BMAL1: variants seen among roughly 807,000 people sequenced by gnomAD.
The protein encoded by BMAL1 is basic helix-loop-helix ARNT like 1, also known as basic helix-loop-helix ARNT-like protein 1.
the BMAL1 span, chr11:13,378,240 G>T: frequency 7.0e-7 from 1 of 1,425,240 alleles, no homozygotes; most frequent in Non-Finnish European, 9.2e-7. Context: ...ATGTTGAACT[G>T]CAAATGGATC....
At chr11:13,325,696 G>GTGTGTGTGTGTGT in the BMAL1 span, among the ~76,000 whole-genome samples, 4 of 27,208 alleles carry the variant, frequency 1.5e-4, no homozygotes, top group African/African-American at 4.0e-4. Flanking sequence ...TGTGTGTGTG[G>GTGTGTGTGTGTGT]GCTTGAATGA....
At chr11:13,368,198 T>C in the BMAL1 span, among the ~76,000 whole-genome samples, 23 of 152,286 alleles carry the variant, frequency 1.5e-4, no homozygotes, top group African/African-American at 5.3e-4. Context: ...GACAGCACCC[T>C]GCATAGTAAT....
the BMAL1 span, among the ~76,000 whole-genome samples, chr11:13,284,189 TA>T: frequency 1.6e-5 from 1 of 62,870 alleles, no homozygotes; most frequent in Non-Finnish European, 2.6e-5. Context: ...TGTATATATA[TA>T]TATGTGTGTA....
the BMAL1 span, among the ~76,000 whole-genome samples, chr11:13,307,548 C>G: frequency 6.6e-6 from 1 of 152,228 alleles, no homozygotes; most frequent in Non-Finnish European, 1.5e-5. Flanking sequence ...GGATTCCCCA[C>G]TGCCACCAAG....
the BMAL1 span, chr11:13,356,148 C>T: frequency 2.5e-6 from 1 of 397,920 alleles, no homozygotes; most frequent in Middle Eastern, 3.9e-4. Context: ...CACTACGCCC[C>T]TCCATCCCAA....
At chr11:13,279,526 A>G in the BMAL1 span, among the ~76,000 whole-genome samples, 3 of 152,214 alleles carry the variant, frequency 2.0e-5, no homozygotes, top group Non-Finnish European at 2.9e-5. Context: ...TAAAATAATC[A>G]TTGCTGCTCC....
At chr11:13,342,393 G>A in the BMAL1 span, among the ~76,000 whole-genome samples, 3 of 152,144 alleles carry the variant, frequency 2.0e-5, no homozygotes, top group African/African-American at 7.2e-5. Context: ...GGGGAGGGGA[G>A]GGTCATACAG....
chr11:13,326,694 T>G, the BMAL1 span, among the ~76,000 whole-genome samples: 2 of 145,410 alleles, frequency 1.4e-5, no homozygotes, highest in African/African-American at 5.1e-5. Context: ...AGATAATATA[T>G]AGAGAGATAA....
At chr11:13,317,687 C>T in the BMAL1 span, among the ~76,000 whole-genome samples, 150,044 of 152,372 alleles carry the variant, frequency 0.98, 73,919 homozygotes, top group East Asian at 1. Context: ...GAATTTGATA[C>T]AAACAGCTAC....
At chr11:13,371,952 A>G in the BMAL1 span, among the ~76,000 whole-genome samples, 1 of 152,188 alleles carries the variant, frequency 6.6e-6, no homozygotes, top group Non-Finnish European at 1.5e-5. Flanking sequence ...TGTCCATGGT[A>G]TAACTGGCCC....
the BMAL1 span, among the ~76,000 whole-genome samples, chr11:13,292,327 G>A: frequency 1.1e-4 from 17 of 151,936 alleles, no homozygotes; most frequent in East Asian, 5.8e-4. Context: ...GGCAGATCAC[G>A]AGGTCAGGAG....
chr11:13,379,875 GT>G, the BMAL1 span: 1 of 152,186 alleles, frequency 6.6e-6, no homozygotes, highest in African/African-American at 2.4e-5. Flanking sequence ...ATACTGTGCA[GT>G]TTGGAAGAAA....
At chr11:13,362,640 G>A in the BMAL1 span, among the ~76,000 whole-genome samples, 2 of 152,028 alleles carry the variant, frequency 1.3e-5, no homozygotes, top group Non-Finnish European at 2.9e-5. Flanking sequence ...CCACTCTCAG[G>A]ACACAGTTAT....
At chr11:13,284,724 C>G in the BMAL1 span, among the ~76,000 whole-genome samples, 1 of 152,136 alleles carries the variant, frequency 6.6e-6, no homozygotes, top group Middle Eastern at 3.2e-3. Context: ...TTAGACCACC[C>G]AGGTCATCTT....
chr11:13,363,312 G>T, the BMAL1 span, among the ~76,000 whole-genome samples: 6 of 151,746 alleles, frequency 4.0e-5, no homozygotes, highest in Non-Finnish European at 8.8e-5. Context: ...TACTTACCAG[G>T]GTATGGAACA....
the BMAL1 span, among the ~76,000 whole-genome samples, chr11:13,303,582 G>A: frequency 6.6e-6 from 1 of 152,196 alleles, no homozygotes; most frequent in South Asian, 2.1e-4. Context: ...ATTCCAAAGT[G>A]GCTGCTCCTG....
At chr11:13,374,300 A>G in the BMAL1 span, 3 of 1,085,622 alleles carry the variant, frequency 2.8e-6, no homozygotes, top group Non-Finnish European at 4.1e-6. Context: ...CTGAGGATGT[A>G]GAGTCAGCCA....
chr11:13,362,373 TCTTTC>T, the BMAL1 span, among the ~76,000 whole-genome samples: 1 of 152,216 alleles, frequency 6.6e-6, no homozygotes, highest in Non-Finnish European at 1.5e-5. Flanking sequence ...ATAGGACTTC[TCTTTC>T]ATTTCTGTCA....
chr11:13,386,499 G>T, the BMAL1 span: 1 of 1,273,610 alleles, frequency 7.9e-7, no homozygotes, highest in East Asian at 2.5e-5. Flanking sequence ...ACCATTAAAT[G>T]TAACTTTCTT....
Sources: gnomAD v4.1 joint callset for allele counts (sites outside exome capture counted in the v4.1 genomes callset) on GRCh38, gnomAD v4.1.1 for gene constraint, MANE v1.5 for transcripts, NCBI Gene and HGNC (gene_info 2026-07-23, HGNC 2026-07-21) for gene names.